The following SEC23A variants were observed in gnomAD, a reference collection of about 807,000 sequenced individuals.
The protein encoded by SEC23A is protein transport protein Sec23A.
SEC23A carries 56 observed loss-of-function variants against 103.7 expected under a neutral mutation model. The observed-to-expected ratio is 0.54, with a 90% CI of 0.44 to 0.67. The LOEUF (loss-of-function observed/expected upper bound fraction) is 0.67. Among genes scored for constraint, SEC23A ranks in the 30% least tolerant of loss-of-function variants. The pLI, the probability that SEC23A is intolerant of heterozygous loss-of-function variation, is 0.00. For missense variants in SEC23A, 784 were observed against 936.4 expected (o/e 0.84, Z 2.12); for synonymous variants, 281 against 293.0 (o/e 0.96, Z 0.42).
chr14:39,074,973 G>A (rs1420271263), intron 8 of SEC23A, among the ~76,000 whole-genome samples: 2 of 152,138 alleles, frequency 1.3e-5, no homozygotes, highest in African/African-American at 4.8e-5. Flanking sequence ...CGGGCGTGGT[G>A]GTGGGTGCCT....
At chr14:39,102,193 C>T (rs1166707636) in intron 1 of SEC23A, among the ~76,000 whole-genome samples, 1 of 151,756 alleles carries the variant, frequency 6.6e-6, no homozygotes, top group Non-Finnish European at 1.5e-5. Flanking sequence ...GATTGCGCCA[C>T]TGCACTCCAG....
chr14:39,095,921 G>A lies in SEC23A; in HGVS notation c.198C>T (p.Cys66=), dbSNP rs1887870808. The A allele has an allele frequency of 3.1e-6, 5 of 1,613,406 alleles. No homozygotes were observed. The South Asian group carries it at 5.5e-5, about 18-fold the overall frequency. Reference sequence around the variant, plus strand: ...ACCATAAAGGATTCAAAACTGCACGGCAAGTGGTCCTACTACACAGAACAG... The same window carrying A: ...ACCATAAAGGATTCAAAACTGCACGACAAGTGGTCCTACTACACAGAACAG... The part of the protein sequence containing the change: ...YEPVLCSRTT[C]RAVLNPLCQV... Residue 66 remains cysteine (C), a synonymous_variant, in exon 2 of 20, where the codon TGC becomes TGT. Transcript: ENST00000307712.
chr14:39,094,440 ATATTTTTTTTT>A lies in SEC23A; in HGVS notation c.222-1207_222-1197del, dbSNP rs1198521893. Reference sequence around the variant, plus strand: ...TATATATATATATATATATATATATATATTTTTTTTTTTTTTTTTTCCCCTCCTGTAGAAAT... The same window carrying A: ...TATATATATATATATATATATATATATTTTTTTTTCCCCTCCTGTAGAAAT... On this transcript the variant is annotated intron_variant, in intron 2 of 19. Coordinates refer to ENST00000307712, the MANE Select transcript of SEC23A (RefSeq NM_006364.4). Among the ~76,000 whole-genome samples, 48 of 13,082 alleles carry A rather than the reference ATATTTTTTTTT, an allele frequency of 3.7e-3. 7 individuals are homozygous for A. The highest frequency in any genetic ancestry group is 0.023 in the African/African-American group (32 of 1,422). The allele number at this position is 13,082 out of a possible 152,430, so 8.6% of individuals were successfully genotyped here. A position where few individuals can be genotyped will look rare whatever the true frequency, so the allele number is the denominator to read the frequency against.
chr14:39,072,380 A>C (rs750193888), intron 9 of SEC23A, among the ~76,000 whole-genome samples: 2 of 152,228 alleles, frequency 1.3e-5, no homozygotes, highest in Non-Finnish European at 2.9e-5. Context: ...AAAGAATCTG[A>C]ATAGACATTT....
At chr14:39,048,144 T>A (rs1655039659) in intron 15 of SEC23A, among the ~76,000 whole-genome samples, 1 of 152,154 alleles carries the variant, frequency 6.6e-6, no homozygotes, top group South Asian at 2.1e-4. Flanking sequence ...TCACCACAAA[T>A]AAATGACTAT....
chr14:39,080,131 G>A (rs1303667264), intron 7 of SEC23A, among the ~76,000 whole-genome samples: 1 of 151,950 alleles, frequency 6.6e-6, no homozygotes, highest in Non-Finnish European at 1.5e-5. Flanking sequence ...CCTACAACTG[G>A]AGGGAAAAAA....
At chr14:39,049,472 T>C (rs372283199) in intron 14 of SEC23A, among the ~76,000 whole-genome samples, 33 of 135,822 alleles carry the variant, frequency 2.4e-4, no homozygotes, top group East Asian at 1.8e-3. Context: ...CAAGACTCTG[T>C]CTCCAAAAAA....
At chr14:39,046,672 A>T (rs1885850120) in intron 15 of SEC23A, among the ~76,000 whole-genome samples, 1 of 152,164 alleles carries the variant, frequency 6.6e-6, no homozygotes, top group Admixed American at 6.5e-5. Context: ...CCTAAGAAAC[A>T]TTCTCCAGAT....
At chr14:39,064,723 T>A (rs2139231568) in intron 11 of SEC23A, 190 bp downstream of exon 11, 2 of 601,326 alleles carry the variant, frequency 3.3e-6, no homozygotes, top group East Asian at 2.9e-5. Context: ...TCCTGTGCGT[T>A]CGCTGTGTCT....
At position 39,033,008 on chromosome 14, in the gene SEC23A, C is replaced by T; in HGVS notation, c.*231G>A. 4.0e-6 allele frequency: 2 copies of T among 503,410 alleles called. No individual in the cohort carries two copies. The highest frequency in any genetic ancestry group is 3.6e-6 in the Non-Finnish European group (1 of 278,486). 31.2% of individuals were successfully genotyped at this position (503,410 alleles called of 1,614,324 possible). A position where few individuals can be genotyped will look rare whatever the true frequency, so the allele number is the denominator to read the frequency against. ...ATTAAGTTATAAAGACTTCAAATTT[C>T]TAGAACCAGCTATAACACTGTGGTA... On this transcript the variant is annotated 3_prime_UTR_variant, in exon 20 of 20. Transcript: ENST00000307712.
In SEC23A at chr14:39,067,236, T is replaced by A. The variant is rs1886700206; in HGVS notation, c.1164A>T (p.Arg388Ser). ...NTSLFKQTFQRVFTKDMHGQF... is the reference protein window; with the variant it reads ...NTSLFKQTFQSVFTKDMHGQF... ...GTCCATGCATGTCTTTGGTAAAGAC[T>A]CTTTGAAAAGTTTGTTTGAATAAGG... The change falls in exon 10 of 20, where the codon AGA becomes AGT. Residue 388 changes from arginine (R) to serine (S), a missense_variant. Arg to Ser is a moderately radical substitution (Grantham distance 110). Transcript: ENST00000307712. The A allele has an allele frequency of 6.2e-7, 1 of 1,613,610 alleles. No individual in the cohort carries two copies. Among genetic ancestry groups the A allele is most frequent in the Admixed American group, 1.7e-5 (1 of 60,008 alleles).
At chr14:39,040,684 T>C (rs1297090089) in intron 18 of SEC23A, 48 bp downstream of exon 18, 1 of 1,612,812 alleles carries the variant, frequency 6.2e-7, no homozygotes, top group African/African-American at 1.3e-5. Flanking sequence ...TACACCTCAC[T>C]GCAAACCTAA....
rs533205625 is a variant in SEC23A at position 39,092,048 on chromosome 14, A to C, written c.367-335T>G. Among the ~76,000 whole-genome samples, 3 of 152,352 alleles carry C rather than the reference A, an allele frequency of 2.0e-5. No individual in the cohort carries two copies. The East Asian group carries it at 5.8e-4, about 29-fold the overall frequency. On this transcript the variant is annotated intron_variant, in intron 4 of 19. Coordinates refer to ENST00000307712, the MANE Select transcript of SEC23A (RefSeq NM_006364.4). ...ACTAGAAACTAGCCAGGCTGGACAA[A>C]TTACTGAATGGTCCAAGTGAACCAT...
chr14:39,073,702 C>CG (rs893888232), intron 9 of SEC23A, among the ~76,000 whole-genome samples: 36 of 150,172 alleles, frequency 2.4e-4, no homozygotes, highest in African/African-American at 7.9e-4. Flanking sequence ...CTCTGCCACC[C>CG]GGGTTCAAGC....
chr14:39,064,975 T>C lies in SEC23A; in HGVS notation c.1246A>G (p.Ile416Val). Residue 416 changes from isoleucine to valine, a missense_variant, in exon 11 of 20, where the codon ATT (isoleucine) becomes GTT (valine). By Grantham distance (29) the Ile-to-Val change is conservative. Transcript: ENST00000307712. ...LEIKTSREIK[I>V]SGAIGPCVSL... ...ACACAGGGTCCAATAGCTCCTGAAATCTTTATTTCCCTTGAGGTCTGCAAA... is the reference window on the plus strand; with the variant it reads ...ACACAGGGTCCAATAGCTCCTGAAACCTTTATTTCCCTTGAGGTCTGCAAA... 2 of 1,612,640 alleles carry C rather than the reference T, an allele frequency of 1.2e-6. No homozygotes were observed. Among genetic ancestry groups the C allele is most frequent in the Non-Finnish European group, 1.7e-6 (2 of 1,178,638 alleles).
At chr14:39,087,034 T>G (rs1465396613) in intron 5 of SEC23A, 26 bp from the exon 6 acceptor site, 3 of 1,220,538 alleles carry the variant, frequency 2.5e-6, no homozygotes, top group Non-Finnish European at 3.7e-6. Flanking sequence ...TTGTGCAATA[T>G]TCATTTAATT....
chr14:39,100,101 T>C (rs1190577724), intron 1 of SEC23A, among the ~76,000 whole-genome samples: 1 of 152,224 alleles, frequency 6.6e-6, no homozygotes, highest in Non-Finnish European at 1.5e-5. Flanking sequence ...GAGTGATATC[T>C]GGGCACAACT....
chr14:39,095,073 AG>A, intron 2 of SEC23A: 1 of 680,076 alleles, frequency 1.5e-6, no homozygotes, highest in East Asian at 2.7e-5. Context: ...GAAATTGCCC[AG>A]GAAAAAGACT....
intron 17 of SEC23A, 115 bp from the exon 18 acceptor site, chr14:39,041,002 C>T: frequency 8.5e-7 from 1 of 1,173,860 alleles, no homozygotes; most frequent in Non-Finnish European, 1.1e-6. Context: ...ACCATTATTC[C>T]ATTTACCTCA....
Sources: allele counts gnomAD v4.1 joint callset (sites outside exome capture counted in the v4.1 genomes callset), GRCh38; gene constraint gnomAD v4.1.1; transcripts MANE v1.5; gene names NCBI Gene and HGNC (gene_info 2026-07-23, HGNC 2026-07-21).